Variants in TRIM29 observed in about 807,000 individuals in gnomAD.
TRIM29 encodes tripartite motif containing 29.
TRIM29 carries 52 observed loss-of-function variants against 57.3 expected under a neutral mutation model. The observed-to-expected ratio is 0.91, with a 90% CI of 0.73 to 1.14. The LOEUF is 1.14. Ranked by LOEUF, TRIM29 falls within the 50% of genes most tolerant of loss-of-function variation. TRIM29 has a pLI of 0.00. For missense variants in TRIM29, 753 were observed against 774.6 expected (o/e 0.97, Z 0.33); for synonymous variants, 319 against 316.9 (o/e 1.01, Z -0.07).
rs1385172476 is a variant in TRIM29, at chr11:120,119,338, G to C, written c.1529-1017C>G. Among the ~76,000 whole-genome samples the C allele has an allele frequency of 2.6e-5, 4 of 152,192 alleles. No homozygotes were observed. In the East Asian group the frequency reaches 7.7e-4, roughly 29 times the overall value. ...AGTCAAGCTCACTCCTTAGCAGCCT[G>C]TGGGGAGGGCTGGGGGCTGACTTTT... On this transcript the variant is annotated intron_variant, in intron 6 of 8. Transcript: ENST00000341846.
At chr11:120,131,184 G>A (rs1863715142) in intron 1 of TRIM29, among the ~76,000 whole-genome samples, 1 of 152,188 alleles carries the variant, frequency 6.6e-6, no homozygotes, top group Non-Finnish European at 1.5e-5. Context: ...CCAGGTGAGG[G>A]CTGCATGGTT....
chr11:120,134,851 T>G (rs529528749), intron 1 of TRIM29, among the ~76,000 whole-genome samples: 15 of 152,298 alleles, frequency 9.8e-5, no homozygotes, highest in Admixed American at 2.6e-4. Flanking sequence ...CCTGTGTCCC[T>G]ATCTGCAAGG....
intron 5 of TRIM29, chr11:120,121,439 G>A (rs901013019): frequency 6.5e-6 from 1 of 154,972 alleles, no homozygotes; most frequent in African/African-American, 2.4e-5. Context: ...ATTGCTTCCT[G>A]TTCTCCCCCC....
rs572953769 is a variant in TRIM29, at chr11:120,133,036, C to T, written c.804+4192G>A. Among the ~76,000 whole-genome samples the T allele has an allele frequency of 7.9e-5, 12 of 152,264 alleles. No individual in the cohort carries two copies. In the East Asian group the frequency reaches 2.1e-3, roughly 27 times the overall value. Reference sequence around the variant, plus strand: ...TCCTCCTTCACCTTGCAGATGGGGACGCAGGCACAGTGGGAACCTCCCCTT... The same window carrying T: ...TCCTCCTTCACCTTGCAGATGGGGATGCAGGCACAGTGGGAACCTCCCCTT... On this transcript the variant is annotated intron_variant, in intron 1 of 8. Transcript: ENST00000341846.
At chr11:120,122,844 T>C in intron 5 of TRIM29, 110 bp downstream of exon 5, 3 of 806,650 alleles carry the variant, frequency 3.7e-6, no homozygotes, top group South Asian at 3.2e-5. Context: ...AAACTGGACA[T>C]GCCATCACCC....
chr11:120,117,294 G>T (rs1189731131), intron 7 of TRIM29: 2 of 181,678 alleles, frequency 1.1e-5, no homozygotes, highest in African/African-American at 2.4e-5. Context: ...CATGCCCGGG[G>T]CTCCTGCAGG....
intron 8 of TRIM29, chr11:120,113,646 C>A (rs1306041862): frequency 1.5e-5 from 7 of 456,252 alleles, no homozygotes; most frequent in African/African-American, 1.0e-4. Context: ...TCAGACCTTG[C>A]TTAAACCACC....
At chr11:120,119,387 G>A (rs917975088) in intron 6 of TRIM29, among the ~76,000 whole-genome samples, 1 of 152,128 alleles carries the variant, frequency 6.6e-6, no homozygotes, top group Non-Finnish European at 1.5e-5. Context: ...ACAGATGGCT[G>A]GGGTTGGCCA....
At position 120,129,467 on chromosome 11, in the gene TRIM29, C is replaced by T. The variant is rs1419233880; in HGVS notation, c.805-972G>A. On this transcript the variant is annotated intron_variant, in intron 1 of 8. Transcript: ENST00000341846. ...AGAGCCTTGGATTGCTCCAGATCTC[C>T]CCACTACCACTGGGTTTTGAATGCA... Among the ~76,000 whole-genome samples, 5 of 152,108 alleles carry T rather than the reference C, an allele frequency of 3.3e-5. No individual in the cohort carries two copies. The East Asian group carries it at 7.7e-4, about 24-fold the overall frequency.
At chr11:120,119,582 G>A (rs1863382401) in intron 6 of TRIM29, among the ~76,000 whole-genome samples, 1 of 152,204 alleles carries the variant, frequency 6.6e-6, no homozygotes, top group Non-Finnish European at 1.5e-5. Flanking sequence ...TGGGCCTGTA[G>A]CAGCGAACAG....
Position 120,111,321 on chromosome 11 carries a change from C to T in TRIM29, c.*1093G>A, listed in dbSNP as rs1863126449. ...ATGGTTTATTCCAAAGGGGAAAGCC[C>T]AAGCTGGATGTCTCCCTCCCCAACC... is the stretch of plus-strand genomic sequence containing the variant. On this transcript the variant is annotated 3_prime_UTR_variant, in exon 9 of 9. Coordinates refer to ENST00000341846, the MANE Select transcript of TRIM29 (RefSeq NM_012101.4). 1 of 152,500 alleles carries T rather than the reference C, an allele frequency of 6.6e-6. No individual in the cohort carries two copies. Among genetic ancestry groups the T allele is most frequent in the African/African-American group, 2.4e-5 (1 of 41,442 alleles). 9.4% of individuals were successfully genotyped at this position (152,500 alleles called of 1,614,324 possible). A position where few individuals can be genotyped will look rare whatever the true frequency, so the allele number is the denominator to read the frequency against.
chr11:120,137,774 C>CCCGG lies in TRIM29; in HGVS notation c.254_257dup (p.Asp87ArgfsTer136). ...TGAAGTAGTTGGAGTTCTTGTCGTC[C>CCCGG]CCGGACTCGACAAACTGGATGATGG... On this transcript the variant is annotated frameshift_variant, in exon 1 of 9. Coordinates refer to ENST00000341846, the MANE Select transcript of TRIM29 (RefSeq NM_012101.4). LOFTEE classifies it high-confidence loss of function. This position sits in a 1 kb window ranked among gnomAD's most constrained non-coding sequence, Gnocchi z 6.2. The CCCGG allele has an allele frequency of 6.2e-7, 1 of 1,612,212 alleles. No homozygotes were observed. Among genetic ancestry groups the CCCGG allele is most frequent in the Non-Finnish European group, 8.5e-7 (1 of 1,180,008 alleles).
intron 6 of TRIM29, 139 bp from the exon 7 acceptor site, chr11:120,118,460 C>T (rs576271808): frequency 3.5e-5 from 22 of 622,978 alleles, no homozygotes; most frequent in African/African-American, 1.3e-4. Context: ...ATCCCAGTGA[C>T]GCCTCACCCC....
At chr11:120,125,391 GAAA>G in intron 4 of TRIM29, 9 of 420,348 alleles carry the variant, frequency 2.1e-5, no homozygotes, top group East Asian at 4.3e-5. Context: ...AGATCTGAAC[GAAA>G]CCAGTCTCTG....
At chr11:120,114,639 G>A (rs1011988046) in intron 8 of TRIM29, among the ~76,000 whole-genome samples, 18 of 152,292 alleles carry the variant, frequency 1.2e-4, no homozygotes, top group African/African-American at 3.8e-4. Context: ...TACAGTCCCC[G>A]ATCACTGAGG....
intron 2 of TRIM29, 52 bp from the exon 3 acceptor site, chr11:120,127,621 G>T (rs372221038): frequency 3.9e-6 from 6 of 1,530,860 alleles, no homozygotes; most frequent in Non-Finnish European, 5.4e-6. Flanking sequence ...GTTAGGGAAA[G>T]AAATCACCCT....
chr11:120,112,436 A>G lies in TRIM29; in HGVS notation c.1745T>C (p.Ile582Thr). The change falls in exon 9 of 9, where the codon ATT becomes ACT. Residue 582 changes from isoleucine to threonine, a missense_variant. Physicochemically the swap from Ile to Thr is moderately conservative, Grantham distance 89. Coordinates refer to ENST00000341846, the MANE Select transcript of TRIM29 (RefSeq NM_012101.4). The part of the protein sequence containing the change: ...RPFYVNKGNG[I>T]GSNEAP ...AGCTCATGGGGCTTCGTTGGACCCA[A>G]TCCCGTTGCCTTTGTTGACGTAGAA... 4.3e-6 allele frequency: 7 copies of G among 1,613,524 alleles called. No individual in the cohort carries two copies. Among genetic ancestry groups the G allele is most frequent in the Non-Finnish European group, 5.9e-6 (7 of 1,179,788 alleles).
intron 7 of TRIM29, chr11:120,116,384 A>G (rs1863270407): frequency 6.6e-6 from 1 of 152,208 alleles, no homozygotes; most frequent in African/African-American, 2.4e-5. Context: ...GGCCCTCAAG[A>G]AATAAGCAGG....
intron 5 of TRIM29, chr11:120,122,128 G>A (rs1437405328): frequency 3.1e-6 from 1 of 324,694 alleles, no homozygotes; most frequent in Non-Finnish European, 6.1e-6. Context: ...CATTGTGTGT[G>A]TGAGTGTGTG....
Sources: gnomAD v4.1 joint callset for allele counts (sites outside exome capture counted in the v4.1 genomes callset) on GRCh38, gnomAD v4.1.1 for gene constraint, Gnocchi (gnomAD v3.1) non-coding constraint, MANE v1.5 for transcripts, NCBI Gene and HGNC (gene_info 2026-07-23, HGNC 2026-07-21) for gene names.